The following MEDAG variants were observed in gnomAD, a reference collection of about 807,000 sequenced individuals.
MEDAG encodes mesenteric estrogen-dependent adipogenesis protein.
A neutral mutation model predicts 29.9 loss-of-function variants in MEDAG; 25 were observed. The ratio of observed to expected loss-of-function variants is 0.84; its 90% CI spans 0.61 to 1.17. The LOEUF (loss-of-function observed/expected upper bound fraction) is 1.17. MEDAG is among the 50% of genes most tolerant of loss of function. MEDAG has a pLI of 0.00. For synonymous variants in MEDAG, 158 were observed against 148.2 expected, an observed-to-expected ratio of 1.07 and a Z score of -0.48; for missense variants, 398 against 372.9, an observed-to-expected ratio of 1.07 and a Z score of -0.56.
chr13:30,920,136 C>T (rs1358668273), intron 2 of MEDAG, among the ~76,000 whole-genome samples: 1 of 152,046 alleles, frequency 6.6e-6, no homozygotes. Context: ...CCTAGACTAG[C>T]CATTTGTCAG....
chr13:30,910,013 C>T (rs1952866674), intron 1 of MEDAG, among the ~76,000 whole-genome samples: 1 of 152,074 alleles, frequency 6.6e-6, no homozygotes, highest in South Asian at 2.1e-4. Flanking sequence ...AAATATTTGT[C>T]CTATTTTGTA....
At position 30,925,444 on chromosome 13, in the gene MEDAG, T is replaced by C. The variant is rs1455107830; in HGVS notation, c.*1009T>C. The C allele has an allele frequency of 6.6e-6, 1 of 152,220 alleles. No individual in the cohort carries two copies. The highest frequency in any genetic ancestry group is 1.9e-4 in the East Asian group (1 of 5,200). The allele number at this position is 152,220 out of a possible 1,614,324, so 9.4% of individuals were successfully genotyped here. ...TATCCTTTCTTAAAAAGTTTCTGTA[T>C]TATGCATTTTGATAACACTACTGAT... On this transcript the variant is annotated 3_prime_UTR_variant, in exon 5 of 5. Coordinates refer to ENST00000380482, the MANE Select transcript of MEDAG (RefSeq NM_032849.4).
At chr13:30,907,340 A>G (rs560502050) in intron 1 of MEDAG, among the ~76,000 whole-genome samples, 1 of 152,312 alleles carries the variant, frequency 6.6e-6, no homozygotes, top group South Asian at 2.1e-4. Context: ...AAAAGTAAAC[A>G]AATAAACCGC....
At chr13:30,918,537 G>A (rs1283724937) in intron 2 of MEDAG, among the ~76,000 whole-genome samples, 1 of 152,156 alleles carries the variant, frequency 6.6e-6, no homozygotes, top group African/African-American at 2.4e-5. Context: ...TTAGCTGGTA[G>A]CAACTATATT....
At chr13:30,907,468 C>T (rs1952841679) in intron 1 of MEDAG, among the ~76,000 whole-genome samples, 1 of 152,162 alleles carries the variant, frequency 6.6e-6, no homozygotes, top group African/African-American at 2.4e-5. Flanking sequence ...GGGAAGGAGG[C>T]CCCCAGGATG....
At chr13:30,907,327 T>C (rs542144516) in intron 1 of MEDAG, among the ~76,000 whole-genome samples, 1 of 152,328 alleles carries the variant, frequency 6.6e-6, no homozygotes, top group East Asian at 1.9e-4. Flanking sequence ...CACTTCGTGT[T>C]TCAAAAGTAA....
chr13:30,907,064 G>GC (rs1566124495), intron 1 of MEDAG, among the ~76,000 whole-genome samples: 1 of 152,154 alleles, frequency 6.6e-6, no homozygotes, highest in Non-Finnish European at 1.5e-5. Flanking sequence ...GAGGGCAGGG[G>GC]CCCCCCAGCC....
chr13:30,920,839 A>G (rs1952976453), intron 2 of MEDAG, among the ~76,000 whole-genome samples, 175 bp from the exon 3 acceptor site: 1 of 152,188 alleles, frequency 6.6e-6, no homozygotes, highest in African/African-American at 2.4e-5. Flanking sequence ...ATTCTCAGAA[A>G]CACTTCTAGA....
At position 30,924,525 on chromosome 13, in the gene MEDAG, C is replaced by A. The variant is rs1953022878; in HGVS notation, c.*90C>A. 4.5e-6 allele frequency: 6 copies of A among 1,339,804 alleles called. No homozygotes were observed. The highest frequency in any genetic ancestry group is 4.5e-5 in the South Asian group (3 of 67,298). 83.0% of individuals were successfully genotyped at this position (1,339,804 alleles called of 1,614,324 possible). On this transcript the variant is annotated 3_prime_UTR_variant, in exon 5 of 5. Coordinates refer to ENST00000380482, the MANE Select transcript of MEDAG (RefSeq NM_032849.4). ...GAGGGTAGGAGGTGGGAGGCAGATA[C>A]TTCCACCTGCGTGTCAATCTCCGGC... is the stretch of plus-strand genomic sequence containing the variant.
At chr13:30,915,501 C>T (rs949469103) in intron 1 of MEDAG, among the ~76,000 whole-genome samples, 1 of 152,146 alleles carries the variant, frequency 6.6e-6, no homozygotes, top group African/African-American at 2.4e-5. Context: ...AATGAAGTTA[C>T]TCAGTGAATG....
At chr13:30,916,221 C>G (rs1436142608) in intron 1 of MEDAG, 1 of 152,194 alleles carries the variant, frequency 6.6e-6, no homozygotes, top group East Asian at 1.9e-4. Flanking sequence ...GACACATGCC[C>G]CGGTCACTGT....
rs1414813735 is a variant in MEDAG, at chr13:30,906,492, G to T, written c.-24G>T. On this transcript the variant is annotated 5_prime_UTR_variant, in exon 1 of 5. Transcript: ENST00000380482. ...CTGTAGGCACCGGACGGAAGCAGGCGGTGTGAGGACCGACGACGCGGGCAT... is the reference window on the plus strand; with the variant it reads ...CTGTAGGCACCGGACGGAAGCAGGCTGTGTGAGGACCGACGACGCGGGCAT... The T allele has an allele frequency of 3.4e-6, 5 of 1,470,424 alleles. No homozygotes were observed. The highest frequency in any genetic ancestry group is 4.5e-6 in the Non-Finnish European group (5 of 1,116,634). The allele number at this position is 1,470,424 out of a possible 1,614,324, so 91.1% of individuals were successfully genotyped here.
intron 1 of MEDAG, among the ~76,000 whole-genome samples, chr13:30,916,937 GA>G (rs1331645261): frequency 6.6e-6 from 1 of 152,168 alleles, no homozygotes; most frequent in East Asian, 1.9e-4. Context: ...GTAATCTATG[GA>G]GGGGGCTGGT....
chr13:30,908,665 GAT>G (rs996605967), intron 1 of MEDAG: 2 of 151,956 alleles, frequency 1.3e-5, no homozygotes, highest in Non-Finnish European at 2.9e-5. Context: ...TGGCTTTAGA[GAT>G]AGCATAAAAC....
chr13:30,915,222 C>T (rs780399743), intron 1 of MEDAG, among the ~76,000 whole-genome samples: 9 of 152,306 alleles, frequency 5.9e-5, no homozygotes, highest in Admixed American at 1.3e-4. Flanking sequence ...GCCACTCTTA[C>T]CTGCCTGCCT....
rs912267407 is a variant in MEDAG, at chr13:30,925,164, T to C, written c.*729T>C. 2.0e-5 allele frequency: 3 copies of C among 152,162 alleles called. No individual in the cohort carries two copies. The highest frequency in any genetic ancestry group is 4.4e-5 in the Non-Finnish European group (3 of 68,030). The allele number at this position is 152,162 out of a possible 1,614,324, so 9.4% of individuals were successfully genotyped here. The stretch of plus-strand genomic sequence containing the variant: ...CCGAACAATGACAGGGGAAGGGTAT[T>C]GGACACGGCAGCGTCCTCCTTATTG... On this transcript the variant is annotated 3_prime_UTR_variant, in exon 5 of 5. Coordinates refer to ENST00000380482, the MANE Select transcript of MEDAG (RefSeq NM_032849.4).
At chr13:30,915,860 C>T (rs567462106) in intron 1 of MEDAG, among the ~76,000 whole-genome samples, 4 of 152,210 alleles carry the variant, frequency 2.6e-5, no homozygotes, top group Non-Finnish European at 5.9e-5. Flanking sequence ...GTCCTCTCCT[C>T]TACTCCTGCC....
chr13:30,917,599 C>T (rs1952942161), intron 2 of MEDAG, 87 bp downstream of exon 2: 1 of 750,926 alleles, frequency 1.3e-6, no homozygotes, highest in South Asian at 1.7e-5. Context: ...GTTTAATTGG[C>T]TCACGGTTCT....
At position 30,924,472 on chromosome 13, in the gene MEDAG, A is replaced by C. The variant is rs1953021908; in HGVS notation, c.*37A>C. 1 of 1,608,302 alleles carries C rather than the reference A, an allele frequency of 6.2e-7. No homozygotes were observed. Among genetic ancestry groups the C allele is most frequent in the African/African-American group, 1.3e-5 (1 of 74,804 alleles). On this transcript the variant is annotated 3_prime_UTR_variant, in exon 5 of 5. Coordinates refer to ENST00000380482, the MANE Select transcript of MEDAG (RefSeq NM_032849.4). ...ATTGTAGCAGTTGCTCCCGCACTCCAGGCCTGTGCTAGACTATAGGCTGGG... is the reference window on the plus strand; with the variant it reads ...ATTGTAGCAGTTGCTCCCGCACTCCCGGCCTGTGCTAGACTATAGGCTGGG...
Sources: allele counts gnomAD v4.1 joint callset (sites outside exome capture counted in the v4.1 genomes callset), GRCh38; gene constraint gnomAD v4.1.1; transcripts MANE v1.5; gene names NCBI Gene and HGNC (gene_info 2026-07-23, HGNC 2026-07-21).